TMLHE: variants seen among roughly 807,000 people sequenced by gnomAD.
TMLHE encodes trimethyllysine dioxygenase, mitochondrial.
In TMLHE, 18 loss-of-function variants were observed where a neutral mutation model predicts 25.7. That is an observed-to-expected ratio of 0.70 (90% CI 0.48 to 1.04). TMLHE has a LOEUF of 1.04. Among genes scored for constraint, TMLHE ranks in the 50% least tolerant of loss-of-function variants. The pLI, the probability that TMLHE is intolerant of heterozygous loss-of-function variation, is 0.00. For synonymous variants in TMLHE, 105 were observed against 97.0 expected, an observed-to-expected ratio of 1.08 and a Z score of -0.49; for missense variants, 236 against 259.0, an observed-to-expected ratio of 0.91 and a Z score of 0.61.
chrX:155,587,859 C>G (rs1461968785), intron 1 of TMLHE, among the ~76,000 whole-genome samples: 2 of 111,688 alleles, frequency 1.8e-5, no homozygotes, highest in East Asian at 5.6e-4. Context: ...GAGAACAGAA[C>G]AACTGGAAAA....
At chrX:155,547,569 A>G (rs781867577) in intron 1 of TMLHE, among the ~76,000 whole-genome samples, 3 of 111,893 alleles carry the variant, frequency 2.7e-5, no homozygotes, top group Non-Finnish European at 5.6e-5. Context: ...ACTACTATTT[A>G]TAATAGTTTT....
Position 155,507,462 on chromosome X carries a change from A to G in TMLHE, c.759-328T>C, listed in dbSNP as rs112703242. Among the ~76,000 whole-genome samples the G allele has an allele frequency of 6.3e-3, 686 of 109,655 alleles. 7 individuals carry two copies. The highest frequency in any genetic ancestry group is 0.022 in the African/African-American group (658 of 30,291). On this transcript the variant is annotated intron_variant, in intron 5 of 7. Coordinates refer to ENST00000334398, the MANE Select transcript of TMLHE (RefSeq NM_018196.4). ...TAGTAAGAAGAACTAAAGCAAATAAATACCAAATAAAATATGATAGGTACT... is the reference window on the plus strand; with the variant it reads ...TAGTAAGAAGAACTAAAGCAAATAAGTACCAAATAAAATATGATAGGTACT...
chrX:155,557,304 G>C lies in TMLHE; in HGVS notation c.-1-12027C>G, dbSNP rs1046621755. Among the ~76,000 whole-genome samples the C allele has an allele frequency of 1.5e-4, 17 of 111,960 alleles. No individual in the cohort carries two copies. The Admixed American group carries it at 1.6e-3, about 11-fold the overall frequency. ...TAAGAAATTACAAAAGTATTAATTT[G>C]GGGAACTAATAAATGTCTATAAAAT... On this transcript the variant is annotated intron_variant, in intron 1 of 7. Transcript: ENST00000334398.
rs116468445 is a variant in TMLHE, at chrX:155,533,379, G to A, written c.182-8747C>T. On this transcript the variant is annotated intron_variant, in intron 2 of 7. Transcript: ENST00000334398. ...TACACATGCACACACACGTGCACAC[G>A]CACACACACACACACACACATATAT... is the stretch of plus-strand genomic sequence containing the variant. 2.8e-3 allele frequency among the ~76,000 whole-genome samples: 308 copies of A among 108,150 alleles called. 6 individuals are homozygous for A. In the East Asian group the frequency reaches 0.04, roughly 14 times the overall value. The allele number at this position is 108,150 out of a possible 115,157, so 93.9% of individuals were successfully genotyped here.
intron 1 of TMLHE, among the ~76,000 whole-genome samples, chrX:155,584,786 A>G (rs1381298714): frequency 9.0e-6 from 1 of 111,727 alleles, no homozygotes; most frequent in Non-Finnish European, 1.9e-5. Context: ...TCATAAATGA[A>G]GGGAAATTTA....
At chrX:155,555,983 C>T (rs5940518) in intron 1 of TMLHE, among the ~76,000 whole-genome samples, 10,084 of 109,993 alleles carry the variant, frequency 0.092, 865 homozygotes, top group African/African-American at 0.25. Flanking sequence ...AGGTTTTCTT[C>T]TAGGGTTTTT....
chrX:155,546,795 CTT>C (rs2067347840), intron 1 of TMLHE, among the ~76,000 whole-genome samples: 1 of 111,468 alleles, frequency 9.0e-6, no homozygotes, highest in South Asian at 3.8e-4. Context: ...TTCACTGTCT[CTT>C]GTTTCCAACC....
intron 6 of TMLHE, among the ~76,000 whole-genome samples, chrX:155,505,644 C>T (rs2067071795): frequency 9.0e-6 from 1 of 111,485 alleles, no homozygotes; most frequent in Non-Finnish European, 1.9e-5. Flanking sequence ...CCTGCCTCTT[C>T]ACCCCATATC....
At chrX:155,543,040 A>G (rs1445656383) in intron 2 of TMLHE, among the ~76,000 whole-genome samples, 1 of 110,584 alleles carries the variant, frequency 9.0e-6, no homozygotes, top group African/African-American at 3.3e-5. Flanking sequence ...ATATATTTTG[A>G]TATCAGGTAG....
At chrX:155,610,807 T>C (rs782323126) in intron 1 of TMLHE, among the ~76,000 whole-genome samples, 1 of 109,642 alleles carries the variant, frequency 9.1e-6, no homozygotes, top group East Asian at 2.9e-4. Flanking sequence ...ATATAGGGAG[T>C]GGGGAAAGGT....
At chrX:155,554,965 T>C (rs782436200) in intron 1 of TMLHE, among the ~76,000 whole-genome samples, 1 of 108,743 alleles carries the variant, frequency 9.2e-6, no homozygotes, top group East Asian at 2.9e-4. Context: ...ATGTGCCATG[T>C]TGGTTTGCTG....
intron 1 of TMLHE, among the ~76,000 whole-genome samples, chrX:155,559,640 T>G (rs1388036340): frequency 8.9e-6 from 1 of 112,078 alleles, no homozygotes; most frequent in East Asian, 2.8e-4. Flanking sequence ...TCTGAATCTT[T>G]TCATGGTTAT....
chrX:155,512,416 G>T (rs1282109086), intron 4 of TMLHE, among the ~76,000 whole-genome samples: 2 of 106,402 alleles, frequency 1.9e-5, no homozygotes, highest in Admixed American at 1.0e-4. Flanking sequence ...AGAATATGCG[G>T]TGTTTGGTTT....
chrX:155,604,599 A>G (rs1237699845), intron 1 of TMLHE, among the ~76,000 whole-genome samples: 2 of 111,723 alleles, frequency 1.8e-5, no homozygotes, highest in Non-Finnish European at 3.8e-5. Flanking sequence ...TGAAGGCTGC[A>G]TGTGAAGCCC....
chrX:155,512,317 CTT>C (rs1217844469), intron 4 of TMLHE, among the ~76,000 whole-genome samples: 3 of 99,411 alleles, frequency 3.0e-5, no homozygotes, highest in Admixed American at 1.1e-4. Flanking sequence ...TCCCTCCCCC[CTT>C]CCCCCCACCC....
intron 1 of TMLHE, among the ~76,000 whole-genome samples, chrX:155,552,361 T>C (rs899437183): frequency 1.8e-5 from 2 of 110,132 alleles, no homozygotes; most frequent in Admixed American, 9.6e-5. Flanking sequence ...GGCATCTGAG[T>C]CTTGGCTTTA....
At chrX:155,542,222 T>A (rs1455702734) in intron 2 of TMLHE, among the ~76,000 whole-genome samples, 2 of 111,562 alleles carry the variant, frequency 1.8e-5, no homozygotes, top group African/African-American at 6.5e-5. Context: ...AATTTTTGTG[T>A]AAGGTATAAG....
chrX:155,547,292 C>T (rs1196685324), intron 1 of TMLHE, among the ~76,000 whole-genome samples: 1 of 88,703 alleles, frequency 1.1e-5, no homozygotes, highest in Non-Finnish European at 2.3e-5. Context: ...CTACAGGCAC[C>T]TGCCACCACG....
At chrX:155,547,810 A>G (rs2067362926) in intron 1 of TMLHE, among the ~76,000 whole-genome samples, 1 of 111,353 alleles carries the variant, frequency 9.0e-6, no homozygotes, top group South Asian at 3.8e-4. Context: ...TCTTTCTTTC[A>G]TTATTTACCA....
Sources: allele counts gnomAD v4.1 joint callset (sites outside exome capture counted in the v4.1 genomes callset), GRCh38; gene constraint gnomAD v4.1.1; transcripts MANE v1.5; gene names NCBI Gene and HGNC (gene_info 2026-07-23, HGNC 2026-07-21).